The following RGPD8 variants were observed in gnomAD, a reference collection of about 807,000 sequenced individuals.
RGPD8 encodes the protein RANBP2 like and GRIP domain containing 8.
Under a neutral mutation model 89.1 loss-of-function variants are expected in RGPD8, and 15 were observed. The ratio of observed to expected loss-of-function variants is 0.17; its 90% CI spans 0.11 to 0.26. RGPD8 has a LOEUF of 0.26. RGPD8 is among the 10% of genes least tolerant of loss of function. The probability of loss-of-function intolerance (pLI) is 1.00; values close to 1 mark genes in which losing one functional copy is unlikely to be tolerated. For missense variants in RGPD8, 178 were observed against 1,179.6 expected (o/e 0.15, Z 12.44); for synonymous variants, 62 against 420.9 (o/e 0.15, Z 10.44).
chr2:112,416,088 C>CAAAAAAAAAAAAAAAAAAAAAAAA (rs1168507298), intron 6 of RGPD8, among the ~76,000 whole-genome samples: 1 of 88,914 alleles, frequency 1.1e-5, no homozygotes, highest in Non-Finnish European at 2.1e-5. Context: ...GACTCCATCT[C>CAAAAAAAAAAAAAAAAAAAAAAAA]AAAAAAAAAA....
intron 1 of RGPD8, among the ~76,000 whole-genome samples, chr2:112,430,979 C>CAGTG (rs1024168763): frequency 2.0e-5 from 3 of 151,884 alleles, no homozygotes; most frequent in African/African-American, 7.3e-5. Context: ...ATGGCCGGTG[C>CAGTG]AGTGGCTCAC....
At chr2:112,414,145 C>T (rs1481049403) in intron 6 of RGPD8, among the ~76,000 whole-genome samples, 7 of 147,516 alleles carry the variant, frequency 4.7e-5, no homozygotes, top group Non-Finnish European at 1.0e-4. Flanking sequence ...TTTCTGACTA[C>T]TTTTTTGCTG....
At chr2:112,427,084 C>T (rs1212064465) in intron 1 of RGPD8, among the ~76,000 whole-genome samples, 4 of 152,016 alleles carry the variant, frequency 2.6e-5, no homozygotes, top group Admixed American at 2.0e-4. Context: ...CATCAGCCAC[C>T]GAGCCCGGCC....
At chr2:112,425,687 A>G (rs1425274503) in intron 1 of RGPD8, among the ~76,000 whole-genome samples, 4 of 149,074 alleles carry the variant, frequency 2.7e-5, no homozygotes, top group African/African-American at 9.9e-5. Context: ...TGAACCCGGG[A>G]GGCAGAGGCT....
At chr2:112,372,963 G>A (rs1195288780) in intron 22 of RGPD8, among the ~76,000 whole-genome samples, 2 of 138,450 alleles carry the variant, frequency 1.4e-5, no homozygotes, top group Non-Finnish European at 3.0e-5. Flanking sequence ...CTCTGTGTAT[G>A]TATGGTGTAC....
intron 22 of RGPD8, among the ~76,000 whole-genome samples, chr2:112,374,756 G>C (rs372352523): frequency 7.3e-6 from 1 of 136,592 alleles, no homozygotes; most frequent in African/African-American, 2.6e-5. Context: ...TTAGAACTTC[G>C]ATTAGTAAAA....
chr2:112,410,792 G>A (rs1267505105), intron 7 of RGPD8, among the ~76,000 whole-genome samples: 1 of 151,710 alleles, frequency 6.6e-6, no homozygotes, highest in Non-Finnish European at 1.5e-5. Flanking sequence ...AAAATAAAAA[G>A]ATTTATATTA....
intron 1 of RGPD8, chr2:112,432,386 G>A (rs1680079077): frequency 1.4e-6 from 1 of 705,408 alleles, no homozygotes; most frequent in Admixed American, 6.3e-5. Context: ...CGGGGAGGGG[G>A]GCGAGGGAGG....
chr2:112,413,313 CA>C (rs1336901248), intron 6 of RGPD8, among the ~76,000 whole-genome samples: 1 of 112,294 alleles, frequency 8.9e-6, no homozygotes, highest in African/African-American at 4.1e-5. Flanking sequence ...TTAGTAGAGA[CA>C]GGGTTTCACT....
intron 22 of RGPD8, among the ~76,000 whole-genome samples, chr2:112,370,973 C>T (rs1221131856): frequency 2.0e-5 from 3 of 149,782 alleles, no homozygotes; most frequent in African/African-American, 7.3e-5. Context: ...TGTTCTTGAA[C>T]ATTATTTATT....
rs1171607081 is a variant in RGPD8 at position 112,420,169 on chromosome 2, C to CA, written c.405+1790dup. Among the ~76,000 whole-genome samples, 243 of 26,146 alleles carry CA rather than the reference C, an allele frequency of 9.3e-3. 23 individuals are homozygous for CA. Among genetic ancestry groups the CA allele is most frequent in the African/African-American group, 0.017 (91 of 5,476 alleles). The allele number at this position is 26,146 out of a possible 152,430, so 17.2% of individuals were successfully genotyped here. A position where few individuals can be genotyped will look rare whatever the true frequency, so the allele number is the denominator to read the frequency against. The stretch of plus-strand genomic sequence containing the variant: ...TGGGCAACAGAGCAAGACTCTGTCT[C>CA]AAAAAAAAAAAAAAAAAAAAAAAAA... On this transcript the variant is annotated intron_variant, in intron 4 of 22. Coordinates refer to ENST00000302558, the MANE Select transcript of RGPD8 (RefSeq NM_001164463.1).
At chr2:112,415,192 G>A in intron 6 of RGPD8, among the ~76,000 whole-genome samples, 1 of 151,852 alleles carries the variant, frequency 6.6e-6, no homozygotes, top group East Asian at 1.9e-4. Context: ...GACCATCCTG[G>A]CTAACACGGT....
At chr2:112,433,292 C>A in intron 1 of RGPD8, 90 bp downstream of exon 1, 2 of 1,435,226 alleles carry the variant, frequency 1.4e-6, no homozygotes, top group South Asian at 1.4e-5. Flanking sequence ...GAGCCATGAC[C>A]CCTGACCCAT....
At chr2:112,426,553 C>G (rs1424550875) in intron 1 of RGPD8, among the ~76,000 whole-genome samples, 1 of 148,700 alleles carries the variant, frequency 6.7e-6, no homozygotes, top group Non-Finnish European at 1.5e-5. Flanking sequence ...GTACCAGCAA[C>G]GAACAATCAG....
intron 1 of RGPD8, among the ~76,000 whole-genome samples, chr2:112,427,017 G>T (rs1309866485): frequency 6.6e-6 from 1 of 151,864 alleles, no homozygotes; most frequent in Non-Finnish European, 1.5e-5. Flanking sequence ...AGATGGTGTC[G>T]ATCTCTCGAC....
chr2:112,370,974 ATTAT>A (rs1274844398), intron 22 of RGPD8, among the ~76,000 whole-genome samples: 1 of 150,022 alleles, frequency 6.7e-6, no homozygotes, highest in East Asian at 2.0e-4. Context: ...GTTCTTGAAC[ATTAT>A]TTATTGTCTT....
In RGPD8 at chr2:112,427,724, C is replaced by G. The variant is rs374348549; in HGVS notation, c.73-3417G>C. On this transcript the variant is annotated intron_variant, in intron 1 of 22. Transcript: ENST00000302558. Reference sequence around the variant, plus strand: ...GCACAGTCAAATGAATCTCCCTCCCCCTAAAATCCTCCAAAAAAGCTGCTG... The same window carrying G: ...GCACAGTCAAATGAATCTCCCTCCCGCTAAAATCCTCCAAAAAAGCTGCTG... 2.2e-4 allele frequency among the ~76,000 whole-genome samples: 34 copies of G among 152,338 alleles called. No individual in the cohort carries two copies. The East Asian group carries it at 4.6e-3, about 21-fold the overall frequency.
intron 1 of RGPD8, among the ~76,000 whole-genome samples, chr2:112,429,290 G>A (rs1195534544): frequency 3.3e-5 from 5 of 150,306 alleles, no homozygotes; most frequent in Non-Finnish European, 6.0e-5. Context: ...GTGTTGTGGC[G>A]GGTGCCTGTA....
chr2:112,426,595 A>G (rs1366462201), intron 1 of RGPD8, among the ~76,000 whole-genome samples: 1 of 147,574 alleles, frequency 6.8e-6, no homozygotes, highest in Non-Finnish European at 1.5e-5. Flanking sequence ...TTCCATTTAC[A>G]ATCGCATCTA....
Sources: gnomAD v4.1 joint callset for allele counts (sites outside exome capture counted in the v4.1 genomes callset) on GRCh38, gnomAD v4.1.1 for gene constraint, MANE v1.5 for transcripts, NCBI Gene and HGNC (gene_info 2026-07-23, HGNC 2026-07-21) for gene names.